Variants in PARVG observed in about 807,000 individuals in gnomAD.
PARVG encodes parvin gamma.
PARVG carries 36 observed loss-of-function variants against 44.4 expected under a neutral mutation model. The observed-to-expected ratio is 0.81, with a 90% CI of 0.62 to 1.07. The LOEUF (loss-of-function observed/expected upper bound fraction) is 1.07, where lower values mean the gene tolerates loss of function less well. Ranked by LOEUF, PARVG falls within the 50% of genes least tolerant of loss-of-function variation. The pLI is 0.00. For missense variants in PARVG, 407 were observed against 407.4 expected (o/e 1.00, Z 0.01); for synonymous variants, 170 against 174.1 (o/e 0.98, Z 0.19).
At position 44,196,902 on chromosome 22, in the gene PARVG, A is replaced by G. The variant is rs546398151; in HGVS notation, c.711+487A>G. Among the ~76,000 whole-genome samples the G allele has an allele frequency of 2.0e-5, 3 of 152,312 alleles. No homozygotes were observed. In the South Asian group the frequency reaches 6.2e-4, roughly 32 times the overall value. On this transcript the variant is annotated intron_variant, in intron 11 of 13. Coordinates refer to ENST00000444313, the MANE Select transcript of PARVG (RefSeq NM_022141.7). ...ACTTAAGTCGAATTTTCCCAGGAGCAGGAGCAGAATCTCAGGGGGTCAGCA... is the reference window on the plus strand; with the variant it reads ...ACTTAAGTCGAATTTTCCCAGGAGCGGGAGCAGAATCTCAGGGGGTCAGCA...
At chr22:44,201,145 C>T (rs1028577698) in intron 12 of PARVG, among the ~76,000 whole-genome samples, 8 of 152,140 alleles carry the variant, frequency 5.3e-5, no homozygotes, top group African/African-American at 1.4e-4. Flanking sequence ...CTTCCCTGGG[C>T]GGGCGGCCAG....
intron 6 of PARVG, 123 bp downstream of exon 6, chr22:44,189,377 A>T: frequency 7.0e-7 from 1 of 1,431,626 alleles, no homozygotes; most frequent in African/African-American, 1.4e-5. Context: ...ACAACCTGGG[A>T]GTCAGGAAGG....
In PARVG at chr22:44,205,813, C is replaced by T. The variant is rs569509603; in HGVS notation, c.870C>T (p.Cys290=). The T allele has an allele frequency of 4.1e-5, 66 of 1,613,304 alleles. 1 individual carries two copies. The South Asian group carries it at 6.6e-4, about 16-fold the overall frequency. The change falls in exon 13 of 14, where the codon TGC becomes TGT. Residue 290 remains cysteine, a synonymous_variant. Transcript: ENST00000444313. The stretch of plus-strand genomic sequence containing the variant: ...TGAAGGACGAGGGCCTGCTCAGCTG[C>T]CCTGTCAGCCCTGAAGGTGAGTGCA... ...ELLKDEGLLS[C]PVSPEDIVNK... is the part of the protein sequence containing the mutation.
intron 9 of PARVG, among the ~76,000 whole-genome samples, chr22:44,195,235 C>T (rs141596720): frequency 6.6e-5 from 10 of 152,158 alleles, no homozygotes; most frequent in African/African-American, 2.4e-4. Context: ...GGGCAGGGGG[C>T]AGCATGAGAA....
intron 11 of PARVG, among the ~76,000 whole-genome samples, chr22:44,196,807 G>A (rs750254882): frequency 3.3e-5 from 5 of 152,316 alleles, no homozygotes; most frequent in Middle Eastern, 3.4e-3. Flanking sequence ...AGGTGACAGC[G>A]CAGCCCAGCC....
At position 44,187,845 on chromosome 22, in the gene PARVG, A is replaced by G. The variant is rs778501391; in HGVS notation, c.214A>G (p.Met72Val). ...HIVVRSLEED[M>V]FDGLILHHLF... ...TGTGGTCCGCAGCCTGGAGGAGGAC[A>G]TGTTCGACGGGCTCATCCTACACCA... Residue 72 changes from methionine to valine, a missense_variant, in exon 5 of 14, where the codon ATG becomes GTG. Met to Val is a conservative substitution (Grantham distance 21, BLOSUM62 1). Transcript: ENST00000444313. 1.2e-6 allele frequency: 2 copies of G among 1,614,248 alleles called. No individual in the cohort carries two copies. The highest frequency in any genetic ancestry group is 1.1e-5 in the South Asian group (1 of 91,088).
rs904764857 is a variant in PARVG, at chr22:44,185,827, G to T, written c.99G>T (p.Leu33=). ...TTCCAGGAGGAAAGAAGAAATACCT[G>T]CCACCCACTTCCCGGAAGGACCCCA... The part of the protein sequence containing the change: ...ELSKGGKKKY[L]PPTSRKDPKF... Residue 33 remains leucine (L), a synonymous_variant, in exon 4 of 14, where the codon CTG becomes CTT. Coordinates refer to ENST00000444313, the MANE Select transcript of PARVG (RefSeq NM_022141.7). 1.2e-6 allele frequency: 2 copies of T among 1,613,606 alleles called. No homozygotes were observed. The highest frequency in any genetic ancestry group is 1.7e-5 in the Admixed American group (1 of 60,018).
intron 11 of PARVG, among the ~76,000 whole-genome samples, chr22:44,196,781 C>T (rs2054624216): frequency 6.6e-6 from 1 of 152,200 alleles, no homozygotes; most frequent in South Asian, 2.1e-4. Context: ...TTAGATTTGT[C>T]CCATGTGCCA....
intron 3 of PARVG, 34 bp from the exon 4 acceptor site, chr22:44,185,774 C>T (rs1211487189): frequency 6.3e-7 from 1 of 1,588,576 alleles, no homozygotes; most frequent in South Asian, 1.1e-5. Context: ...CCCACAGGGT[C>T]CCCATGCGCT....
At chr22:44,206,029 G>A (rs1962466220) in intron 13 of PARVG, among the ~76,000 whole-genome samples, 200 bp downstream of exon 13, 1 of 152,164 alleles carries the variant, frequency 6.6e-6, no homozygotes, top group Non-Finnish European at 1.5e-5. Context: ...TTCTGGGGAG[G>A]GGGAGACCAA....
In PARVG at chr22:44,206,472, G is replaced by C. The variant is rs762763058; in HGVS notation, c.*46G>C. The C allele has an allele frequency of 6.4e-7, 1 of 1,565,108 alleles. No homozygotes were observed. The highest frequency in any genetic ancestry group is 8.8e-7 in the Non-Finnish European group (1 of 1,136,152). ...CAGAGCCTGCCTGTCAGCCCAGCTG[G>C]AGGGCCCGAGGCTGCAGGGTGTCCT... On this transcript the variant is annotated 3_prime_UTR_variant, in exon 14 of 14. Transcript: ENST00000444313.
intron 4 of PARVG, chr22:44,186,268 A>G (rs1386744537): frequency 6.3e-6 from 2 of 317,638 alleles, no homozygotes. Flanking sequence ...GCTCCTCCCC[A>G]GCTTGTCTGC....
intron 11 of PARVG, 143 bp from the exon 12 acceptor site, chr22:44,198,478 G>T: frequency 1.5e-6 from 1 of 684,716 alleles, no homozygotes; most frequent in Non-Finnish European, 2.6e-6. Context: ...TGTGAGGTCA[G>T]GCATGTCTTC....
rs1029462348 is a variant in PARVG, at chr22:44,201,886, G to A, written c.813+3164G>A. ...CGGGCACGCTTTCCTCCTGGCAATG[G>A]CAGACACATGAGAGACCAGGCAGAA... On this transcript the variant is annotated intron_variant, in intron 12 of 13. Coordinates refer to ENST00000444313, the MANE Select transcript of PARVG (RefSeq NM_022141.7). Among the ~76,000 whole-genome samples the A allele has an allele frequency of 3.3e-5, 5 of 152,334 alleles. No individual in the cohort carries two copies. In the East Asian group the frequency reaches 7.7e-4, roughly 24 times the overall value.
chr22:44,188,438 G>A (rs915372197), intron 5 of PARVG: 3 of 165,110 alleles, frequency 1.8e-5, no homozygotes, highest in Admixed American at 5.6e-5. Context: ...CATCTCTTCT[G>A]CACACAACTG....
intron 1 of PARVG, among the ~76,000 whole-genome samples, chr22:44,175,458 G>A (rs2054310293): frequency 6.6e-6 from 1 of 152,270 alleles, no homozygotes; most frequent in South Asian, 2.1e-4. Flanking sequence ...CTTCCGCAAG[G>A]ACAGTGCCCT....
intron 1 of PARVG, among the ~76,000 whole-genome samples, chr22:44,175,028 A>C (rs2054306038): frequency 6.6e-6 from 1 of 152,250 alleles, no homozygotes; most frequent in African/African-American, 2.4e-5. Context: ...AGGCTGAGGC[A>C]AGAGAATCAC....
At chr22:44,183,212 C>G (rs2054410374) in intron 2 of PARVG, 106 bp from the exon 3 acceptor site, 2 of 1,058,658 alleles carry the variant, frequency 1.9e-6, no homozygotes, top group African/African-American at 1.6e-5. Flanking sequence ...TCCCCAGAAC[C>G]TGGCTTCTAC....
At chr22:44,194,092 C>A (rs537256306) in intron 9 of PARVG, among the ~76,000 whole-genome samples, 1 of 152,288 alleles carries the variant, frequency 6.6e-6, no homozygotes, top group East Asian at 1.9e-4. Flanking sequence ...TGTGTGGGCT[C>A]TGGAGTCAGT....
Sources: allele counts gnomAD v4.1 joint callset (sites outside exome capture counted in the v4.1 genomes callset), GRCh38; gene constraint gnomAD v4.1.1; transcripts MANE v1.5; gene names NCBI Gene and HGNC (gene_info 2026-07-23, HGNC 2026-07-21).